Variants in CHRD observed in about 807,000 individuals in gnomAD.
The protein encoded by CHRD is chordin.
In CHRD, 69 loss-of-function variants were observed where a neutral mutation model predicts 113.7. The ratio of observed to expected loss-of-function variants is 0.61; its 90% CI spans 0.50 to 0.74. CHRD has a LOEUF of 0.74. Among genes scored for constraint, CHRD ranks in the 30% least tolerant of loss-of-function variants. The probability of loss-of-function intolerance (pLI) is 0.00; values close to 1 mark genes in which losing one functional copy is unlikely to be tolerated. For missense variants in CHRD, 1,194 were observed against 1,295.8 expected (o/e 0.92, Z 1.21); for synonymous variants, 561 against 540.8 (o/e 1.04, Z -0.52).
Position 184,380,819 on chromosome 3 carries a change from C to T in CHRD, c.252+24C>T, listed in dbSNP as rs781515509. 7 of 1,530,312 alleles carry T rather than the reference C, an allele frequency of 4.6e-6. No individual in the cohort carries two copies. The highest frequency in any genetic ancestry group is 3.7e-5 in the South Asian group (3 of 81,292). The allele number at this position is 1,530,312 out of a possible 1,614,324, so 94.8% of individuals were successfully genotyped here. On this transcript the variant is annotated intron_variant, in intron 2 of 22. Transcript: ENST00000204604. This position sits in a 1 kb window ranked among gnomAD's most constrained non-coding sequence, Gnocchi z 6.3. Reference sequence around the variant, plus strand: ...CGGTGAGTGCACCCCGCGGCCGGCCCGGGCCCTGGCGGGTGGGGAGCGCCG... The same window carrying T: ...CGGTGAGTGCACCCCGCGGCCGGCCTGGGCCCTGGCGGGTGGGGAGCGCCG...
At chr3:184,385,019 G>C in exon 14 of CHRD, 2 of 1,613,660 alleles carry the variant, frequency 1.2e-6, no homozygotes, top group Non-Finnish European at 1.7e-6. Flanking sequence ...TGGACCCAGC[G>C]CTGCCCGTGC....
rs993754996 is a variant in CHRD, at chr3:184,386,825, G to T, written c.2197-20G>T. 2.5e-6 allele frequency: 4 copies of T among 1,613,976 alleles called. No individual in the cohort carries two copies. The African/African-American group carries it at 5.3e-5, about 22-fold the overall frequency. The stretch of plus-strand genomic sequence containing the variant: ...AAGGGGCCTGGACACTCCCGTCAAT[G>T]CCTCTGCTCCTCTCTGCAGAGACGA... On this transcript the variant is annotated intron_variant, in intron 16 of 22. Coordinates refer to ENST00000204604, the Ensembl canonical transcript of CHRD.
At position 184,386,909 on chromosome 3, in the gene CHRD, C is replaced by G. The variant is rs550464753; in HGVS notation, c.2261C>G (p.Ala754Gly). 1.0e-4 allele frequency: 166 copies of G among 1,614,206 alleles called. No homozygotes were observed. The East Asian group carries it at 2.9e-3, about 28-fold the overall frequency. The change falls in exon 17 of 23, where the codon GCT becomes GGT. Residue 754 changes from alanine to glycine, a missense_variant. By Grantham distance (60) the Ala-to-Gly change is moderately conservative. Transcript: ENST00000204604. The stretch of plus-strand genomic sequence containing the variant: ...CCCAGCTGCCCACACCCGGTGCAGG[C>G]TCCCGACCAGTGCTGCCCTGTTTGC...
In CHRD at chr3:184,384,772, T is replaced by G. The variant is rs995823276; in HGVS notation, c.1597+79T>G. ...ATGGTGGCAGACAGCCGGAGCCTGG[T>G]GTGTCTTTCTTTGTGCCTAAGCTCC... On this transcript the variant is annotated intron_variant, in intron 13 of 22. Coordinates refer to ENST00000204604, the Ensembl canonical transcript of CHRD. This position sits in a 1 kb window ranked among gnomAD's most constrained non-coding sequence, Gnocchi z 4.4. 41 of 1,479,394 alleles carry G rather than the reference T, an allele frequency of 2.8e-5. No homozygotes were observed. Among genetic ancestry groups the G allele is most frequent in the Non-Finnish European group, 3.6e-5 (40 of 1,114,410 alleles). 91.6% of individuals were successfully genotyped at this position (1,479,394 alleles called of 1,614,324 possible). A position where few individuals can be genotyped will look rare whatever the true frequency, so the allele number is the denominator to read the frequency against.
chr3:184,381,460 C>A lies in CHRD; in HGVS notation c.383-36C>A. The A allele has an allele frequency of 6.3e-7, 1 of 1,587,968 alleles. No homozygotes were observed. The highest frequency in any genetic ancestry group is 1.1e-5 in the South Asian group (1 of 88,506). ...GCGTCGGACTGGCCTTTCCCATGGC[C>A]AGCTGAAGCCCGTGTTCTTACCCCC... On this transcript the variant is annotated intron_variant, in intron 3 of 22. Coordinates refer to ENST00000204604, the Ensembl canonical transcript of CHRD. This position sits in a 1 kb window ranked among gnomAD's most constrained non-coding sequence, Gnocchi z 4.7.
exon 8 of CHRD, chr3:184,382,763 C>T: frequency 6.2e-7 from 1 of 1,613,836 alleles, no homozygotes; most frequent in Non-Finnish European, 8.5e-7. Context: ...CTGCTGGAAC[C>T]CAGGAGTGGG....
rs761370761 is a variant in CHRD at position 184,380,722 on chromosome 3, T to C, written c.179T>C (p.Leu60Ser). The change falls in exon 2 of 23, where the codon TTG (leucine) becomes TCG (serine). Residue 60 changes from leucine to serine, a missense_variant. Leu to Ser is a moderately radical substitution (Grantham distance 145, BLOSUM62 -2). Transcript: ENST00000204604. The surrounding 1 kb of genome is among the most constrained non-coding windows in gnomAD (Gnocchi z 6.3). The stretch of plus-strand genomic sequence containing the variant: ...ACCTTCGGCGGGAAGGTCTATGCCT[T>C]GGACGAGACGTGGCACCCGGACCTA... 1.8e-5 allele frequency: 28 copies of C among 1,598,532 alleles called. No individual in the cohort carries two copies. The South Asian group carries it at 1.9e-4, about 11-fold the overall frequency.
In CHRD at chr3:184,380,412, C is replaced by T. The variant is rs1715110038; in HGVS notation, c.94C>T (p.Pro32Ser). Residue 32 changes from proline to serine, a missense_variant, in exon 1 of 23, where the codon CCC (proline) becomes TCC (serine). By Grantham distance (74) the Pro-to-Ser change is moderately conservative. Coordinates refer to ENST00000204604, the Ensembl canonical transcript of CHRD. The surrounding 1 kb of genome is among the most constrained non-coding windows in gnomAD (Gnocchi z 6.3). ...GGCCCGCGGCGCCGGCCCAGAGCCC[C>T]CCGTGCTGCCCATCCGTTCTGAGAA... is the stretch of plus-strand genomic sequence containing the variant. 12 of 1,335,514 alleles carry T rather than the reference C, an allele frequency of 9.0e-6. No homozygotes were observed. The highest frequency in any genetic ancestry group is 1.2e-5 in the Non-Finnish European group (12 of 1,034,778). 82.7% of individuals were successfully genotyped at this position (1,335,514 alleles called of 1,614,324 possible). A position where few individuals can be genotyped will look rare whatever the true frequency, so the allele number is the denominator to read the frequency against.
In CHRD at chr3:184,387,235, A is replaced by C. The variant is rs1716473603; in HGVS notation, c.2347+128A>C. 7.1e-6 allele frequency: 9 copies of C among 1,264,128 alleles called. No individual in the cohort carries two copies. The East Asian group carries it at 2.2e-4, about 30-fold the overall frequency. 78.3% of individuals were successfully genotyped at this position (1,264,128 alleles called of 1,614,324 possible). A position where few individuals can be genotyped will look rare whatever the true frequency, so the allele number is the denominator to read the frequency against. ...GGGCACAGATTCCAAGTGATGCCTG[A>C]CAGGACTCATTAGTGTTACTGGCCC... On this transcript the variant is annotated intron_variant, in intron 18 of 22. Coordinates refer to ENST00000204604, the Ensembl canonical transcript of CHRD. This position sits in a 1 kb window ranked among gnomAD's most constrained non-coding sequence, Gnocchi z 6.1.
Position 184,388,261 on chromosome 3 carries a change from A to G in CHRD, c.2554+228A>G, listed in dbSNP as rs188440240. 6.6e-6 allele frequency among the ~76,000 whole-genome samples: 1 copy of G among 151,076 alleles called. No homozygotes were observed. The highest frequency in any genetic ancestry group is 1.9e-4 in the East Asian group (1 of 5,160). On this transcript the variant is annotated intron_variant, in intron 20 of 22. Coordinates refer to ENST00000204604, the Ensembl canonical transcript of CHRD. This position sits in a 1 kb window ranked among gnomAD's most constrained non-coding sequence, Gnocchi z 6.1. ...CGTCCATCCATCCATCCATCCATCC[A>G]TCCATCCATCCATCCATCCATCCGT...
chr3:184,386,658 G>A (rs748780200), exon 16 of CHRD: 3 of 1,611,556 alleles, frequency 1.9e-6, no homozygotes, highest in Admixed American at 3.3e-5. Context: ...GGGCGGCCCC[G>A]AGACCCCAAC....
At chr3:184,386,639 G>C (rs755391438) in exon 16 of CHRD, 1 of 1,610,114 alleles carries the variant, frequency 6.2e-7, no homozygotes, top group South Asian at 1.1e-5. Context: ...CGCCAAACCT[G>C]GTGGTCCTGG....
rs1349994809 is a variant in CHRD, at chr3:184,387,498, C to T, written c.2451+21C>T. The T allele has an allele frequency of 6.3e-7, 1 of 1,585,858 alleles. No individual in the cohort carries two copies. The highest frequency in any genetic ancestry group is 1.8e-5 in the Admixed American group (1 of 56,698). Reference sequence around the variant, plus strand: ...GCAAGGTATGGCCACCCAATCTTCTCTGGTGCCATAACCCAGCGGGGTCTG... The same window carrying T: ...GCAAGGTATGGCCACCCAATCTTCTTTGGTGCCATAACCCAGCGGGGTCTG... On this transcript the variant is annotated intron_variant, in intron 19 of 22. Transcript: ENST00000204604. This position sits in a 1 kb window ranked among gnomAD's most constrained non-coding sequence, Gnocchi z 6.1.
exon 17 of CHRD, chr3:184,386,878 C>T: frequency 6.2e-7 from 1 of 1,614,166 alleles, no homozygotes; most frequent in South Asian, 1.1e-5. Context: ...GGTGGTGTGC[C>T]CACCGCCCAG....
rs1268131949 is a variant in CHRD, at chr3:184,383,560, T to G, written c.1358T>G (p.Met453Arg). 3.7e-6 allele frequency: 6 copies of G among 1,614,060 alleles called. No homozygotes were observed. Among genetic ancestry groups the G allele is most frequent in the Non-Finnish European group, 4.2e-6 (5 of 1,179,986 alleles). Residue 453 changes from methionine to arginine, a missense_variant, in exon 12 of 23, where the codon ATG becomes AGG. Transcript: ENST00000204604. ...GGGACAAGCAGTGAGGTGGTGGCCATGACACTGGAGACCAAGCCTCAGCGG... is the reference window on the plus strand; with the variant it reads ...GGGACAAGCAGTGAGGTGGTGGCCAGGACACTGGAGACCAAGCCTCAGCGG...
Position 184,380,918 on chromosome 3 carries a change from C to A in CHRD, c.252+123C>A. 1.2e-6 allele frequency: 1 copy of A among 810,646 alleles called. No homozygotes were observed. Among genetic ancestry groups the A allele is most frequent in the Non-Finnish European group, 2.0e-6 (1 of 495,640 alleles). 50.2% of individuals were successfully genotyped at this position (810,646 alleles called of 1,614,324 possible). A position where few individuals can be genotyped will look rare whatever the true frequency, so the allele number is the denominator to read the frequency against. On this transcript the variant is annotated intron_variant, in intron 2 of 22. Transcript: ENST00000204604. This position sits in a 1 kb window ranked among gnomAD's most constrained non-coding sequence, Gnocchi z 6.3. Reference sequence around the variant, plus strand: ...GTCGGCAGATGTTGGGGATATTTTTCTGGTGGAGGAAGGGGAATCAGCCCC... The same window carrying A: ...GTCGGCAGATGTTGGGGATATTTTTATGGTGGAGGAAGGGGAATCAGCCCC...
exon 16 of CHRD, chr3:184,386,642 G>T (rs1213227869): frequency 6.2e-7 from 1 of 1,610,272 alleles, no homozygotes; most frequent in Non-Finnish European, 8.5e-7. Flanking sequence ...CAAACCTGGT[G>T]GTCCTGGGCG....
chr3:184,383,073 G>A, exon 10 of CHRD: 1 of 1,611,576 alleles, frequency 6.2e-7, no homozygotes. Context: ...GGACTGGCTG[G>A]TGCTGGGGGA....
chr3:184,385,825 G>A (rs186871699), intron 14 of CHRD, among the ~76,000 whole-genome samples: 5 of 151,992 alleles, frequency 3.3e-5, no homozygotes, highest in African/African-American at 7.3e-5. Context: ...TGGACCTCAG[G>A]GGGGTAGGTG....
Sources: gnomAD v4.1 joint callset for allele counts (sites outside exome capture counted in the v4.1 genomes callset) on GRCh38, gnomAD v4.1.1 for gene constraint, Gnocchi (gnomAD v3.1) non-coding constraint, MANE v1.5 for transcripts, NCBI Gene and HGNC (gene_info 2026-07-23, HGNC 2026-07-21) for gene names.